Variants in DSCAM observed in about 807,000 individuals in gnomAD.
DSCAM encodes the protein DS cell adhesion molecule, also known as cell adhesion molecule DSCAM.
A neutral mutation model predicts 217.7 loss-of-function variants in DSCAM; 47 were observed. The observed-to-expected ratio is 0.22, with a 90% CI of 0.17 to 0.28. The LOEUF (loss-of-function observed/expected upper bound fraction) is 0.28. DSCAM is among the 10% of genes least tolerant of loss of function. The probability of loss-of-function intolerance (pLI) is 1.00; values close to 1 mark genes in which losing one functional copy is unlikely to be tolerated. For missense variants in DSCAM, 2,080 were observed against 2,618.3 expected (o/e 0.79, Z 4.49); for synonymous variants, 1,056 against 1,015.3 (o/e 1.04, Z -0.76).
At chr21:40,633,341 A>C (rs2146322781) in intron 3 of DSCAM, among the ~76,000 whole-genome samples, 1 of 152,284 alleles carries the variant, frequency 6.6e-6, no homozygotes, top group Non-Finnish European at 1.5e-5. Flanking sequence ...ACTTCACAAG[A>C]TCTCACAGCA....
intron 1 of DSCAM, among the ~76,000 whole-genome samples, chr21:40,766,669 C>CAAAAAA (rs34935219): frequency 3.6e-4 from 24 of 66,628 alleles, no homozygotes; most frequent in African/African-American, 1.4e-3. Context: ...ACAACAATTC[C>CAAAAAA]AAAAAAAAAA....
intron 4 of DSCAM, among the ~76,000 whole-genome samples, chr21:40,364,357 G>A (rs2074803880): frequency 6.6e-6 from 1 of 152,100 alleles, no homozygotes; most frequent in Non-Finnish European, 1.5e-5. Context: ...CATAAAAAAT[G>A]ATGAGTTCAT....
intron 1 of DSCAM, among the ~76,000 whole-genome samples, chr21:40,756,089 C>G (rs927210384): frequency 1.3e-5 from 2 of 152,174 alleles, no homozygotes; most frequent in Non-Finnish European, 2.9e-5. Flanking sequence ...AAGGTGGGGT[C>G]TGGTGGGAGG....
At chr21:40,091,899 G>A (rs996495241) in intron 21 of DSCAM, among the ~76,000 whole-genome samples, 2 of 152,056 alleles carry the variant, frequency 1.3e-5, no homozygotes, top group African/African-American at 4.8e-5. Context: ...CCTCCCACTG[G>A]GTCCGTCCCA....
intron 3 of DSCAM, among the ~76,000 whole-genome samples, chr21:40,466,840 A>T (rs1569135460): frequency 6.6e-6 from 1 of 152,232 alleles, no homozygotes; most frequent in Non-Finnish European, 1.5e-5. Flanking sequence ...TCTCCCGGAC[A>T]AATACATGCA....
chr21:40,155,223 G>T (rs1250468901), intron 16 of DSCAM, among the ~76,000 whole-genome samples: 1 of 152,214 alleles, frequency 6.6e-6, no homozygotes, highest in East Asian at 1.9e-4. Flanking sequence ...GACCACACAA[G>T]GGCATTCGGG....
chr21:40,813,097 G>T (rs903756482), intron 1 of DSCAM, among the ~76,000 whole-genome samples: 3 of 152,162 alleles, frequency 2.0e-5, no homozygotes, highest in Non-Finnish European at 4.4e-5. Flanking sequence ...TTTGAAATAC[G>T]AGGAGAAATA....
intron 1 of DSCAM, among the ~76,000 whole-genome samples, chr21:40,799,376 G>A (rs888849153): frequency 6.6e-6 from 1 of 152,082 alleles, no homozygotes; most frequent in Admixed American, 6.6e-5. Flanking sequence ...CATTGGAATA[G>A]CTGATTGGTG....
intron 3 of DSCAM, among the ~76,000 whole-genome samples, chr21:40,399,505 T>C (rs1426462923): frequency 1.3e-5 from 2 of 152,228 alleles, no homozygotes; most frequent in Admixed American, 6.5e-5. Context: ...TCTGATTTTA[T>C]AAAAGTCTTT....
At chr21:40,018,862 C>T (rs2989337) in intron 32 of DSCAM, among the ~76,000 whole-genome samples, 29,256 of 152,204 alleles carry the variant, frequency 0.19, 3,022 homozygotes, top group South Asian at 0.34. Context: ...TGACAAGTAT[C>T]TCTGAATATC....
In DSCAM at chr21:40,277,099, G is replaced by T. The variant is rs147070877; in HGVS notation, c.2183-829C>A. Among the ~76,000 whole-genome samples, 1,377 of 152,206 alleles carry T rather than the reference G, an allele frequency of 9.0e-3. 21 individuals carry two copies. Among genetic ancestry groups the T allele is most frequent in the African/African-American group, 0.031 (1,296 of 41,538 alleles). ...TGGCCTGGAGGAGTTGGGTGGGCTG[G>T]GAGAATGGGATTCAGGCCTTGAAAG... On this transcript the variant is annotated intron_variant, in intron 10 of 32. Transcript: ENST00000400454.
Position 40,026,381 on chromosome 21 carries a change from A to G in DSCAM, c.5687-12995T>C, listed in dbSNP as rs2088383556. Among the ~76,000 whole-genome samples, 5 of 141,788 alleles carry G rather than the reference A, an allele frequency of 3.5e-5. No individual in the cohort carries two copies. The South Asian group carries it at 9.9e-4, about 28-fold the overall frequency. The allele number at this position is 141,788 out of a possible 152,430, so 93.0% of individuals were successfully genotyped here. On this transcript the variant is annotated intron_variant, in intron 32 of 32. Coordinates refer to ENST00000400454, the MANE Select transcript of DSCAM (RefSeq NM_001389.5). ...GGGGTGGAGAGTTCTGTAGATGTCT[A>G]TTAGGTCCACTTGATGCAGAGCTGA...
At chr21:40,232,273 TGTTGA>T (rs1337470369) in intron 11 of DSCAM, among the ~76,000 whole-genome samples, 1 of 152,168 alleles carries the variant, frequency 6.6e-6, no homozygotes, top group Non-Finnish European at 1.5e-5. Flanking sequence ...AAAATGGACT[TGTTGA>T]GTTAAATCAA....
intron 15 of DSCAM, 135 bp from the exon 16 acceptor site, chr21:40,167,423 G>A: frequency 1.4e-6 from 1 of 690,678 alleles, no homozygotes; most frequent in Non-Finnish European, 2.5e-6. Flanking sequence ...TAGCGGTCAT[G>A]GGAAATGTCA....
intron 3 of DSCAM, among the ~76,000 whole-genome samples, chr21:40,643,932 G>T (rs1050664165): frequency 6.6e-6 from 1 of 152,140 alleles, no homozygotes; most frequent in Non-Finnish European, 1.5e-5. Context: ...ATTTTGTTAC[G>T]GCAGCCTGAA....
intron 9 of DSCAM, 101 bp from the exon 10 acceptor site, chr21:40,296,275 G>A: frequency 7.3e-7 from 1 of 1,371,334 alleles, no homozygotes; most frequent in Non-Finnish European, 1.0e-6. Context: ...ATTAAAATAT[G>A]AAGACTGTTT....
intron 32 of DSCAM, among the ~76,000 whole-genome samples, chr21:40,036,634 G>C (rs1289811047): frequency 1.4e-5 from 2 of 147,588 alleles, no homozygotes; most frequent in East Asian, 2.0e-4. Context: ...CCAATCAATA[G>C]AAAAAGAGGG....
Position 40,072,636 on chromosome 21 carries a change from CCG to C in DSCAM, c.4888+2399_4888+2400del, listed in dbSNP as rs2089312563. ...GTGCTAGGATTACAGGTGTGAGCCA[CCG>C]CACCCGGCCTCTCCTGTCAGATTCT... is the stretch of plus-strand genomic sequence containing the variant. On this transcript the variant is annotated intron_variant, in intron 27 of 32. Transcript: ENST00000400454. Among the ~76,000 whole-genome samples the C allele has an allele frequency of 2.0e-5, 3 of 152,294 alleles. No homozygotes were observed. The South Asian group carries it at 6.2e-4, about 32-fold the overall frequency.
intron 8 of DSCAM, among the ~76,000 whole-genome samples, chr21:40,335,613 T>C (rs1168307983): frequency 1.3e-5 from 2 of 152,228 alleles, no homozygotes; most frequent in Non-Finnish European, 2.9e-5. Flanking sequence ...TCTGGAAATT[T>C]TTCTCGAAAG....
Sources: allele counts gnomAD v4.1 joint callset (sites outside exome capture counted in the v4.1 genomes callset), GRCh38; gene constraint gnomAD v4.1.1; transcripts MANE v1.5; gene names NCBI Gene and HGNC (gene_info 2026-07-23, HGNC 2026-07-21).